SBK1: variants seen among roughly 807,000 people sequenced by gnomAD.
The protein encoded by SBK1 is SH3 domain binding kinase 1, also known as serine/threonine-protein kinase SBK1.
A neutral mutation model predicts 24.4 loss-of-function variants in SBK1; 11 were observed. The observed-to-expected ratio is 0.45, with a 90% CI of 0.28 to 0.75. SBK1 has a LOEUF of 0.75. Among genes scored for constraint, SBK1 ranks in the 30% least tolerant of loss-of-function variants. The pLI is 0.12. For synonymous variants in SBK1, 308 were observed against 284.4 expected, an observed-to-expected ratio of 1.08 and a Z score of -0.83; for missense variants, 467 against 620.5, an observed-to-expected ratio of 0.75 and a Z score of 2.63.
intron 1 of SBK1, among the ~76,000 whole-genome samples, chr16:28,268,323 G>C (rs2044443112): frequency 6.6e-6 from 1 of 152,016 alleles, no homozygotes; most frequent in East Asian, 1.9e-4. Context: ...GCTCACTGCA[G>C]CCTCCACTTC....
At chr16:28,275,421 A>G (rs888606146) in intron 1 of SBK1, among the ~76,000 whole-genome samples, 19 of 152,178 alleles carry the variant, frequency 1.2e-4, no homozygotes, top group African/African-American at 4.3e-4. Context: ...TGTATATAAG[A>G]AGAGAAGAAA....
At chr16:28,276,294 G>C (rs550786435) in intron 1 of SBK1, among the ~76,000 whole-genome samples, 2 of 152,284 alleles carry the variant, frequency 1.3e-5, no homozygotes, top group East Asian at 3.9e-4. Context: ...AGACCCCTAG[G>C]AGACTCACAG....
chr16:28,319,946 C>A lies in SBK1; in HGVS notation c.430-130C>A. The A allele has an allele frequency of 1.2e-6, 1 of 855,078 alleles. No homozygotes were observed. The highest frequency in any genetic ancestry group is 1.8e-5 in the African/African-American group (1 of 56,144). The allele number at this position is 855,078 out of a possible 1,614,324, so 53.0% of individuals were successfully genotyped here. A position where few individuals can be genotyped will look rare whatever the true frequency, so the allele number is the denominator to read the frequency against. On this transcript the variant is annotated intron_variant, in intron 3 of 3. Coordinates refer to ENST00000341901, the MANE Select transcript of SBK1 (RefSeq NM_001024401.3). The surrounding 1 kb of genome is among the most constrained non-coding windows in gnomAD (Gnocchi z 4.0). Reference sequence around the variant, plus strand: ...CAGCAGCATCCGGGCCGCGTCTGCGCGGTCGCCCCAGTTACTGGGGACAGG... The same window carrying A: ...CAGCAGCATCCGGGCCGCGTCTGCGAGGTCGCCCCAGTTACTGGGGACAGG...
intron 1 of SBK1, among the ~76,000 whole-genome samples, chr16:28,264,845 G>A (rs940567132): frequency 6.6e-6 from 1 of 152,138 alleles, no homozygotes; most frequent in Non-Finnish European, 1.5e-5. Flanking sequence ...CAGCGAGGGA[G>A]GCAGAGAAGG....
intron 1 of SBK1, among the ~76,000 whole-genome samples, chr16:28,276,289 C>G (rs2044493519): frequency 6.6e-6 from 1 of 152,084 alleles, no homozygotes; most frequent in Admixed American, 6.6e-5. Context: ...CACCAAGACC[C>G]CTAGGAGACT....
At chr16:28,312,504 A>G (rs137918369) in intron 1 of SBK1, among the ~76,000 whole-genome samples, 2,849 of 152,296 alleles carry the variant, frequency 0.019, 53 homozygotes, top group African/African-American at 0.042. Flanking sequence ...GCGTGGAGAC[A>G]TGGTGGCAAG....
At chr16:28,299,121 C>T (rs771542080) in intron 1 of SBK1, among the ~76,000 whole-genome samples, 31 of 152,304 alleles carry the variant, frequency 2.0e-4, no homozygotes, top group Middle Eastern at 3.4e-3. Context: ...TGGTAAAAAA[C>T]GCAATCCCTA....
At position 28,322,915 on chromosome 16, in the gene SBK1, GCGCGCTCTCTCTCTCCCTCTCT is replaced by G. The variant is rs1446201028; in HGVS notation, c.*1996_*2017del. The stretch of plus-strand genomic sequence containing the variant: ...TTGCCGTGCTCGCTCTCTCTCTCGC[GCGCGCTCTCTCTCTCCCTCTCT>G]CTCTCTCTCTCTCTCTCTCTCTCTC... On this transcript the variant is annotated 3_prime_UTR_variant, in exon 4 of 4. Transcript: ENST00000341901. The G allele has an allele frequency of 7.9e-4, 61 of 77,492 alleles. No homozygotes were observed. Among genetic ancestry groups the G allele is most frequent in the Non-Finnish European group, 1.5e-3 (53 of 36,086 alleles). 4.8% of individuals were successfully genotyped at this position (77,492 alleles called of 1,614,324 possible). A position where few individuals can be genotyped will look rare whatever the true frequency, so the allele number is the denominator to read the frequency against.
chr16:28,306,342 G>A (rs1389399044), intron 1 of SBK1, among the ~76,000 whole-genome samples: 3 of 152,174 alleles, frequency 2.0e-5, no homozygotes, highest in African/African-American at 4.8e-5. Flanking sequence ...TGAGTTCTGG[G>A]GCCAAGCATG....
chr16:28,303,945 C>T, intron 1 of SBK1, among the ~76,000 whole-genome samples: 1 of 152,116 alleles, frequency 6.6e-6, no homozygotes, highest in East Asian at 1.9e-4. Flanking sequence ...GAAGCAGCCC[C>T]TTCCTACGTG....
At chr16:28,262,941 C>CA (rs2044406464) in intron 1 of SBK1, among the ~76,000 whole-genome samples, 1 of 152,096 alleles carries the variant, frequency 6.6e-6, no homozygotes, top group Admixed American at 6.6e-5. Flanking sequence ...AGGCTCCTCT[C>CA]ATCTTGTAAC....
At chr16:28,276,664 G>GTATT (rs1225763084) in intron 1 of SBK1, among the ~76,000 whole-genome samples, 10 of 134,226 alleles carry the variant, frequency 7.5e-5, no homozygotes, top group South Asian at 3.0e-4. Context: ...ATTTATTTAT[G>GTATT]TATTTATTTA....
At chr16:28,272,534 T>A (rs1418824167) in intron 1 of SBK1, among the ~76,000 whole-genome samples, 1 of 152,172 alleles carries the variant, frequency 6.6e-6, no homozygotes, top group Non-Finnish European at 1.5e-5. Context: ...GAGATATGTG[T>A]CCTTCTGTGG....
chr16:28,308,781 T>G (rs34469634), intron 1 of SBK1, among the ~76,000 whole-genome samples: 9,812 of 94,280 alleles, frequency 0.1, 407 homozygotes, highest in Admixed American at 0.22. Flanking sequence ...GTGTGTGTGT[T>G]TGTTTTGTTT....
chr16:28,272,000 A>G (rs1448493716), intron 1 of SBK1, among the ~76,000 whole-genome samples: 1 of 152,214 alleles, frequency 6.6e-6, no homozygotes, highest in East Asian at 1.9e-4. Context: ...AATATTTGCT[A>G]GTTTCGTTTT....
chr16:28,300,349 T>C (rs947221530), intron 1 of SBK1, among the ~76,000 whole-genome samples: 1 of 152,202 alleles, frequency 6.6e-6, no homozygotes, highest in Non-Finnish European at 1.5e-5. Flanking sequence ...AGATGGGATC[T>C]CACTCTGTTG....
chr16:28,322,968 CTCT>C lies in SBK1; in HGVS notation c.*2048_*2050del, dbSNP rs2044868518. 7.9e-6 allele frequency: 1 copy of C among 126,690 alleles called. No individual in the cohort carries two copies. The highest frequency in any genetic ancestry group is 1.7e-5 in the Non-Finnish European group (1 of 58,316). The allele number at this position is 126,690 out of a possible 1,614,324, so 7.8% of individuals were successfully genotyped here. On this transcript the variant is annotated 3_prime_UTR_variant, in exon 4 of 4. Transcript: ENST00000341901. ...TCTCTCTCTCTCTCTCTCTCTCTCT[CTCT>C]CTCTCTCTCCTCTCTTTCTCTCTCT...
chr16:28,268,306 G>A (rs1245380633), intron 1 of SBK1, among the ~76,000 whole-genome samples: 1 of 151,934 alleles, frequency 6.6e-6, no homozygotes, highest in Non-Finnish European at 1.5e-5. Context: ...GCAGTGGTGG[G>A]ATCAGGGCTC....
At chr16:28,260,613 G>A (rs987509598) in intron 1 of SBK1, among the ~76,000 whole-genome samples, 1 of 152,168 alleles carries the variant, frequency 6.6e-6, no homozygotes, top group Admixed American at 6.5e-5. Context: ...CACAGTTCCC[G>A]CTCCGTGGGC....
Sources: allele counts gnomAD v4.1 joint callset (sites outside exome capture counted in the v4.1 genomes callset), GRCh38; gene constraint gnomAD v4.1.1; non-coding constraint Gnocchi (gnomAD v3.1); transcripts MANE v1.5; gene names NCBI Gene and HGNC (gene_info 2026-07-23, HGNC 2026-07-21).